ADAT3: variants seen among roughly 807,000 people sequenced by gnomAD.
ADAT3 encodes the protein adenosine deaminase tRNA specific 3.
Under a neutral mutation model 3.5 loss-of-function variants are expected in ADAT3, and 2 were observed. The observed-to-expected ratio is 0.57, with a 90% CI of 0.23 to 1.79. ADAT3 has a LOEUF of 1.79. Among genes scored for constraint, ADAT3 ranks in the 40% most tolerant of loss-of-function variants. ADAT3 has a pLI of 0.18. For synonymous variants in ADAT3, 358 were observed against 270.3 expected, an observed-to-expected ratio of 1.32 and a Z score of -3.18; for missense variants, 735 against 571.4, an observed-to-expected ratio of 1.29 and a Z score of -2.92.
At position 1,912,609 on chromosome 19, in the gene ADAT3, G is replaced by T. The variant is rs2013528895; in HGVS notation, c.562G>T (p.Ala188Ser). The change falls in exon 2 of 2, where the codon GCC becomes TCC. Residue 188 changes from alanine to serine, a missense_variant. Ala to Ser is a moderately conservative substitution (Grantham distance 99). Transcript: ENST00000329478. ...GRLFSTQERA[A>S]MQSHMERAVW... ...GCTCTTCTCCACGCAGGAGCGCGCCGCCATGCAGAGCCACATGGAGCGGGC... is the reference window on the plus strand; with the variant it reads ...GCTCTTCTCCACGCAGGAGCGCGCCTCCATGCAGAGCCACATGGAGCGGGC... The T allele has an allele frequency of 6.8e-7, 1 of 1,476,916 alleles. No homozygotes were observed. The highest frequency in any genetic ancestry group is 2.4e-5 in the Admixed American group (1 of 41,944). 91.5% of individuals were successfully genotyped at this position (1,476,916 alleles called of 1,614,324 possible). A position where few individuals can be genotyped will look rare whatever the true frequency, so the allele number is the denominator to read the frequency against.
At chr19:1,910,259 C>T (rs985989319) in intron 1 of ADAT3, among the ~76,000 whole-genome samples, 2 of 152,216 alleles carry the variant, frequency 1.3e-5, no homozygotes, top group Admixed American at 6.5e-5. Flanking sequence ...TTGCAACTCA[C>T]GCAGGCGTTG....
rs1206089548 is a variant in ADAT3 at position 1,908,390 on chromosome 19, G to A, written c.-159+2951G>A. 2.7e-5 allele frequency: 11 copies of A among 412,778 alleles called. No individual in the cohort carries two copies. Among genetic ancestry groups the A allele is most frequent in the East Asian group, 7.3e-5 (1 of 13,624 alleles). 25.6% of individuals were successfully genotyped at this position (412,778 alleles called of 1,614,324 possible). On this transcript the variant is annotated intron_variant, in intron 1 of 1. Coordinates refer to ENST00000329478, the MANE Select transcript of ADAT3 (RefSeq NM_138422.4). The surrounding 1 kb of genome is among the most constrained non-coding windows in gnomAD (Gnocchi z 4.2). ...GCTGCTGGTCCCCCATCTGTGGGGC[G>A]CCCCGGCGGCTGAGGCGTGGACCAG...
At position 1,912,155 on chromosome 19, in the gene ADAT3, G is replaced by T. The variant is rs771938043; in HGVS notation, c.108G>T (p.Glu36Asp). 9.2e-5 allele frequency: 144 copies of T among 1,568,450 alleles called. No homozygotes were observed. The highest frequency in any genetic ancestry group is 2.3e-4 in the South Asian group (20 of 85,680). The part of the protein sequence containing the change: ...QPKCLEAGSP[E>D]PEPAPWQALP... ...AGTGCTTGGAGGCCGGGAGCCCGGAGCCTGAGCCGGCGCCGTGGCAGGCCC... is the reference window on the plus strand; with the variant it reads ...AGTGCTTGGAGGCCGGGAGCCCGGATCCTGAGCCGGCGCCGTGGCAGGCCC... The change falls in exon 2 of 2, where the codon GAG (glutamate) becomes GAT (aspartate). Residue 36 changes from glutamate (E) to aspartate (D), a missense_variant. By Grantham distance (45) the Glu-to-Asp change is conservative. Transcript: ENST00000329478.
chr19:1,912,211 A>T lies in ADAT3; in HGVS notation c.164A>T (p.Asp55Val). ...GTCCTGTCCGAGAAGCAGTCAGGGGACGTGGAGCTGGTGCTGGCCTACGCC... is the reference window on the plus strand; with the variant it reads ...GTCCTGTCCGAGAAGCAGTCAGGGGTCGTGGAGCTGGTGCTGGCCTACGCC... Reference protein sequence around the residue: ...LPVLSEKQSGDVELVLAYAAP... With the variant: ...LPVLSEKQSGVVELVLAYAAP... Residue 55 changes from aspartate (D) to valine (V), a missense_variant, in exon 2 of 2, where the codon GAC (aspartate) becomes GTC (valine). Asp to Val is a radical substitution (Grantham distance 152, BLOSUM62 -3). Coordinates refer to ENST00000329478, the MANE Select transcript of ADAT3 (RefSeq NM_138422.4). 2 of 1,591,728 alleles carry T rather than the reference A, an allele frequency of 1.3e-6. No individual in the cohort carries two copies. Among genetic ancestry groups the T allele is most frequent in the Non-Finnish European group, 1.7e-6 (2 of 1,172,402 alleles).
Position 1,911,875 on chromosome 19 carries a change from C to T in ADAT3, c.-158-15C>T. 1 of 702,244 alleles carries T rather than the reference C, an allele frequency of 1.4e-6. No individual in the cohort carries two copies. 43.5% of individuals were successfully genotyped at this position (702,244 alleles called of 1,614,324 possible). On this transcript the variant is annotated splice_polypyrimidine_tract_variant and intron_variant, in intron 1 of 1. Transcript: ENST00000329478. ...TTTTAAAAACCAATGGCTGTTTAAA[C>T]TCTGTGCACACCAGGGGTTAGCAGG...
chr19:1,905,499 T>G, intron 1 of ADAT3, 60 bp downstream of exon 1: 1 of 417,716 alleles, frequency 2.4e-6, no homozygotes, highest in Non-Finnish European at 5.1e-6. Context: ...AGAGGGGGAG[T>G]AGGGGCTGAC....
At position 1,913,402 on chromosome 19, in the gene ADAT3, G is replaced by A. The variant is rs2013607156; in HGVS notation, c.*251G>A. On this transcript the variant is annotated 3_prime_UTR_variant, in exon 2 of 2. Transcript: ENST00000329478. ...TGCGTTTGTGTCCCCTCTGTCTCGC[G>A]GGCCGGGAAACTGCTCTGATGGGAA... is the stretch of plus-strand genomic sequence containing the variant. 5.0e-6 allele frequency: 3 copies of A among 601,278 alleles called. No individual in the cohort carries two copies. Among genetic ancestry groups the A allele is most frequent in the East Asian group, 3.0e-5 (1 of 33,002 alleles). The allele number at this position is 601,278 out of a possible 1,614,324, so 37.2% of individuals were successfully genotyped here. A position where few individuals can be genotyped will look rare whatever the true frequency, so the allele number is the denominator to read the frequency against.
At chr19:1,907,760 C>A (rs547800224) in intron 1 of ADAT3, among the ~76,000 whole-genome samples, 6 of 152,174 alleles carry the variant, frequency 3.9e-5, no homozygotes, top group Admixed American at 3.9e-4. Context: ...TCCCAGTGGT[C>A]GGTCGCCTGC....
At position 1,913,117 on chromosome 19, in the gene ADAT3, A is replaced by C; in HGVS notation, c.1070A>C (p.Glu357Ala). 6.3e-7 allele frequency: 1 copy of C among 1,587,224 alleles called. No homozygotes were observed. The highest frequency in any genetic ancestry group is 8.5e-7 in the Non-Finnish European group (1 of 1,171,606). The change falls in exon 2 of 2, where the codon GAG becomes GCG. Residue 357 changes from glutamate (E) to alanine (A), a missense_variant. Glu to Ala is a moderately radical substitution (Grantham distance 107). Coordinates refer to ENST00000329478, the MANE Select transcript of ADAT3 (RefSeq NM_138422.4). ...TTCCAGGTGTTCCGCGGGGTGCTGG[A>C]GGAGCAGTGCCGCTGGCTGGACCCC... The part of the protein sequence containing the change: ...HRFQVFRGVL[E>A]EQCRWLDPDT
chr19:1,912,027 C>CCAGCCGCCCG lies in ADAT3; in HGVS notation c.-12_-3dup. ...CCGGGACGGACTCCCCGGCTCTCCC[C>CCAGCCGCCCG]CAGCCGCCCGCAGCCGCCGGATGAT... On this transcript the variant is annotated 5_prime_UTR_variant, in exon 2 of 2. Coordinates refer to ENST00000329478, the MANE Select transcript of ADAT3 (RefSeq NM_138422.4). 2 of 1,417,882 alleles carry CCAGCCGCCCG rather than the reference C, an allele frequency of 1.4e-6. No individual in the cohort carries two copies. Among genetic ancestry groups the CCAGCCGCCCG allele is most frequent in the Non-Finnish European group, 1.8e-6 (2 of 1,092,574 alleles). The allele number at this position is 1,417,882 out of a possible 1,614,324, so 87.8% of individuals were successfully genotyped here.
Position 1,912,859 on chromosome 19 carries a change from C to G in ADAT3, c.812C>G (p.Ala271Gly). 3 of 1,598,774 alleles carry G rather than the reference C, an allele frequency of 1.9e-6. No homozygotes were observed. The highest frequency in any genetic ancestry group is 2.5e-6 in the Non-Finnish European group (3 of 1,177,306). Reference protein sequence around the residue: ...PFPACSFAPAAAPQAVRAGAV... With the variant: ...PFPACSFAPAGAPQAVRAGAV... Reference sequence around the variant, plus strand: ...CCCGCCTGCTCCTTCGCCCCGGCCGCTGCCCCCCAGGCCGTCCGCGCAGGC... The same window carrying G: ...CCCGCCTGCTCCTTCGCCCCGGCCGGTGCCCCCCAGGCCGTCCGCGCAGGC... Residue 271 changes from alanine to glycine, a missense_variant, in exon 2 of 2, where the codon GCT (alanine) becomes GGT (glycine). Transcript: ENST00000329478.
chr19:1,905,855 G>C (rs2013084414), intron 1 of ADAT3: 1 of 152,350 alleles, frequency 6.6e-6, no homozygotes, highest in South Asian at 2.1e-4. Context: ...CCCCAGCTCT[G>C]ATTCGCCTTT....
chr19:1,908,374 C>T lies in ADAT3; in HGVS notation c.-159+2935C>T, dbSNP rs891496509. ...GCCTGGAGTTCCACTGGCTGCTGGT[C>T]CCCCATCTGTGGGGCGCCCCGGCGG... On this transcript the variant is annotated intron_variant, in intron 1 of 1. Transcript: ENST00000329478. The surrounding 1 kb of genome is among the most constrained non-coding windows in gnomAD (Gnocchi z 4.2). 4 of 400,040 alleles carry T rather than the reference C, an allele frequency of 1.0e-5. No individual in the cohort carries two copies. The highest frequency in any genetic ancestry group is 4.1e-5 in the African/African-American group (2 of 48,274). 24.8% of individuals were successfully genotyped at this position (400,040 alleles called of 1,614,324 possible).
In ADAT3 at chr19:1,912,561, G is replaced by A; in HGVS notation, c.514G>A (p.Val172Met). The change falls in exon 2 of 2, where the codon GTG becomes ATG. Residue 172 changes from valine (V) to methionine (M), a missense_variant. Transcript: ENST00000329478. ...CACGTCCTTCCACGAGGACAAGCAG[G>A]TGACCAGCGCCCTGGCTGGGCGGCT... is the stretch of plus-strand genomic sequence containing the variant. ...WPTSFHEDKQ[V>M]TSALAGRLFS... is the part of the protein sequence containing the mutation. The A allele has an allele frequency of 6.7e-7, 1 of 1,499,870 alleles. No homozygotes were observed. Among genetic ancestry groups the A allele is most frequent in the Non-Finnish European group, 8.8e-7 (1 of 1,131,436 alleles). 92.9% of individuals were successfully genotyped at this position (1,499,870 alleles called of 1,614,324 possible).
intron 1 of ADAT3, among the ~76,000 whole-genome samples, chr19:1,907,574 G>A (rs1485412509): frequency 4.6e-5 from 7 of 152,100 alleles, no homozygotes; most frequent in Non-Finnish European, 8.8e-5. Context: ...GTCCCGGCGC[G>A]GACCTTGGCC....
In ADAT3 at chr19:1,912,400, GC is replaced by G. The variant is rs2145437174; in HGVS notation, c.356del (p.Pro119ArgfsTer32). 1.3e-6 allele frequency: 2 copies of G among 1,515,816 alleles called. No individual in the cohort carries two copies. The highest frequency in any genetic ancestry group is 2.6e-5 in the East Asian group (1 of 38,248). 93.9% of individuals were successfully genotyped at this position (1,515,816 alleles called of 1,614,324 possible). On this transcript the variant is annotated frameshift_variant, in exon 2 of 2. Coordinates refer to ENST00000329478, the MANE Select transcript of ADAT3 (RefSeq NM_138422.4). LOFTEE classifies it low-confidence loss of function (END_TRUNC). ...MLLCLAGPAS[G>X]PRSLAELLPR... ...CTTTGCCTGGCTGGGCCGGCCTCGG[GC>G]CCGCGCTCGCTGGCTGAGCTCCTGC...
intron 1 of ADAT3, among the ~76,000 whole-genome samples, chr19:1,911,239 G>A (rs1386537101): frequency 6.6e-6 from 1 of 151,758 alleles, no homozygotes; most frequent in Admixed American, 6.6e-5. Flanking sequence ...TGGCACGATT[G>A]TAGCTCACTG....
Position 1,905,423 on chromosome 19 carries a change from G to C in ADAT3, c.-175G>C, listed in dbSNP as rs1318149597. On this transcript the variant is annotated 5_prime_UTR_variant, in exon 1 of 2. Transcript: ENST00000329478. Reference sequence around the variant, plus strand: ...TAAGACTTGGCGAAGCGCTGCGCTCGCGCCCGGATCCCTCAGGTAAGCGCG... The same window carrying C: ...TAAGACTTGGCGAAGCGCTGCGCTCCCGCCCGGATCCCTCAGGTAAGCGCG... 1 of 463,816 alleles carries C rather than the reference G, an allele frequency of 2.2e-6. No homozygotes were observed. Among genetic ancestry groups the C allele is most frequent in the Admixed American group, 2.4e-5 (1 of 41,896 alleles). The allele number at this position is 463,816 out of a possible 1,614,324, so 28.7% of individuals were successfully genotyped here. A position where few individuals can be genotyped will look rare whatever the true frequency, so the allele number is the denominator to read the frequency against.
rs578180514 is a variant in ADAT3 at position 1,910,710 on chromosome 19, G to A, written c.-158-1180G>A. 2.0e-5 allele frequency among the ~76,000 whole-genome samples: 3 copies of A among 150,242 alleles called. No individual in the cohort carries two copies. In the South Asian group the frequency reaches 6.3e-4, roughly 32 times the overall value. Reference sequence around the variant, plus strand: ...TCTTGCCTCAGCTTCCTGAGTAGCTGGGATTACAGGTGCGTGGCACCATGC... The same window carrying A: ...TCTTGCCTCAGCTTCCTGAGTAGCTAGGATTACAGGTGCGTGGCACCATGC... On this transcript the variant is annotated intron_variant, in intron 1 of 1. Coordinates refer to ENST00000329478, the MANE Select transcript of ADAT3 (RefSeq NM_138422.4).
Sources: gnomAD v4.1 joint callset for allele counts (sites outside exome capture counted in the v4.1 genomes callset) on GRCh38, gnomAD v4.1.1 for gene constraint, Gnocchi (gnomAD v3.1) non-coding constraint, MANE v1.5 for transcripts, NCBI Gene and HGNC (gene_info 2026-07-23, HGNC 2026-07-21) for gene names.